SARM1: variants seen among roughly 807,000 people sequenced by gnomAD.
The protein encoded by SARM1 is sterile alpha and TIR motif containing 1, also known as NAD(+) hydrolase SARM1.
Under a neutral mutation model 65.1 loss-of-function variants are expected in SARM1, and 60 were observed. That is an observed-to-expected ratio of 0.92 (90% confidence interval 0.75 to 1.14). The LOEUF (loss-of-function observed/expected upper bound fraction) is 1.14, where lower values mean the gene tolerates loss of function less well. Ranked by LOEUF, SARM1 falls within the 50% of genes most tolerant of loss-of-function variation. The pLI is 0.00. For missense variants in SARM1, 913 were observed against 1,015.7 expected, an observed-to-expected ratio of 0.90 and a Z score of 1.37; for synonymous variants, 417 against 465.4, an observed-to-expected ratio of 0.90 and a Z score of 1.34.
intron 1 of SARM1, among the ~76,000 whole-genome samples, chr17:28,377,161 G>T (rs150142234): frequency 1.3e-5 from 2 of 152,248 alleles, no homozygotes; most frequent in African/African-American, 4.8e-5. Context: ...GTCTAGAAAC[G>T]CAAAATGAAG....
At position 28,385,258 on chromosome 17, in the gene SARM1, T is replaced by C. The variant is rs1458964014; in HGVS notation, c.1613T>C (p.Ile538Thr). 7.7e-6 allele frequency: 12 copies of C among 1,562,920 alleles called. No homozygotes were observed. The highest frequency in any genetic ancestry group is 1.4e-5 in the African/African-American group (1 of 73,832). ...GIHLGVHRAR[I>T]LTAAREMLHS... ...CACCTGGGCGTGCACCGCGCCCGCA[T>C]CCTCACGGCGGCCAGAGGTCAGCCC... The change falls in exon 5 of 9, where the codon ATC becomes ACC. Residue 538 changes from isoleucine (I) to threonine (T), a missense_variant. By Grantham distance (89) the Ile-to-Thr change is moderately conservative (BLOSUM62 -1). Coordinates refer to ENST00000585482, the MANE Select transcript of SARM1 (RefSeq NM_015077.4). The surrounding 1 kb of genome is among the most constrained non-coding windows in gnomAD (Gnocchi z 4.5).
rs782715579 is a variant in SARM1 at position 28,381,255 on chromosome 17, C to A, written c.523C>A (p.Arg175Ser). The A allele has an allele frequency of 1.2e-6, 2 of 1,610,540 alleles. No individual in the cohort carries two copies. The highest frequency in any genetic ancestry group is 1.7e-6 in the Non-Finnish European group (2 of 1,178,590). The change falls in exon 2 of 9, where the codon CGC becomes AGC. Residue 175 changes from arginine to serine, a missense_variant. By Grantham distance (110) the Arg-to-Ser change is moderately radical (BLOSUM62 -1). Coordinates refer to ENST00000585482, the MANE Select transcript of SARM1 (RefSeq NM_015077.4). ...LGVILNLAKE[R>S]EPVELARSVA... Reference sequence around the variant, plus strand: ...CGTGATCCTGAACCTGGCGAAGGAACGCGAACCCGTAGAGCTGGCGCGGAG... The same window carrying A: ...CGTGATCCTGAACCTGGCGAAGGAAAGCGAACCCGTAGAGCTGGCGCGGAG...
chr17:28,384,074 G>A lies in SARM1; in HGVS notation c.1090-283G>A, dbSNP rs1311020381. On this transcript the variant is annotated intron_variant, in intron 2 of 8. Coordinates refer to ENST00000585482, the MANE Select transcript of SARM1 (RefSeq NM_015077.4). This position sits in a 1 kb window ranked among gnomAD's most constrained non-coding sequence, Gnocchi z 4.4. ...ACTGTGCCCTGCCTGGCGCTATGCT[G>A]AGAGCTCAACTTTATTCCAGGGCCG... Among the ~76,000 whole-genome samples the A allele has an allele frequency of 6.6e-6, 1 of 152,200 alleles. No homozygotes were observed. The highest frequency in any genetic ancestry group is 1.5e-5 in the Non-Finnish European group (1 of 68,030).
chr17:28,402,684 A>T lies in SARM1; in HGVS notation c.*6398A>T, dbSNP rs567849178. ...CCTGAGTTCAAAACCTGATGCCATT[A>T]CATATTATCTGTGTGGCCTGGGGTA... On this transcript the variant is annotated 3_prime_UTR_variant, in exon 9 of 9. Transcript: ENST00000585482. 2 of 194,534 alleles carry T rather than the reference A, an allele frequency of 1.0e-5. No homozygotes were observed. The highest frequency in any genetic ancestry group is 2.2e-4 in the South Asian group (2 of 9,270). 12.1% of individuals were successfully genotyped at this position (194,534 alleles called of 1,614,324 possible). A position where few individuals can be genotyped will look rare whatever the true frequency, so the allele number is the denominator to read the frequency against.
chr17:28,388,401 G>A lies in SARM1; in HGVS notation c.1785G>A (p.Val595=). 6.2e-7 allele frequency: 1 copy of A among 1,613,996 alleles called. No individual in the cohort carries two copies. ...ATGGCTTCAGTGTCTTCATTGATGTGGAGAAGCTGGAAGCAGGCAAGTTCG... is the reference window on the plus strand; with the variant it reads ...ATGGCTTCAGTGTCTTCATTGATGTAGAGAAGCTGGAAGCAGGCAAGTTCG... ...QLHGFSVFID[V]EKLEAGKFED... is the part of the protein sequence containing the mutation. Residue 595 remains valine (V), a synonymous_variant, in exon 7 of 9, where the codon GTG becomes GTA. Coordinates refer to ENST00000585482, the MANE Select transcript of SARM1 (RefSeq NM_015077.4).
chr17:28,386,183 T>C (rs1285648086), intron 5 of SARM1, among the ~76,000 whole-genome samples: 1 of 152,166 alleles, frequency 6.6e-6, no homozygotes, highest in Non-Finnish European at 1.5e-5. Context: ...CGCATACCTG[T>C]AGTCCCAGCT....
At chr17:28,392,335 C>T (rs2068084995) in intron 7 of SARM1, among the ~76,000 whole-genome samples, 1 of 152,040 alleles carries the variant, frequency 6.6e-6, no homozygotes, top group South Asian at 2.1e-4. Context: ...CCAAGATGGT[C>T]TCGATCTCCT....
intron 1 of SARM1, among the ~76,000 whole-genome samples, chr17:28,379,212 C>G (rs1284342456): frequency 1.4e-5 from 2 of 139,758 alleles, no homozygotes; most frequent in Admixed American, 7.4e-5. Flanking sequence ...TGGTCAGGGA[C>G]AAAGGAGAGT....
rs2068174440 is a variant in SARM1 at position 28,399,801 on chromosome 17, G to A, written c.*3515G>A. 2.1e-6 allele frequency: 3 copies of A among 1,403,830 alleles called. No homozygotes were observed. The highest frequency in any genetic ancestry group is 3.0e-6 in the Non-Finnish European group (3 of 993,246). 87.0% of individuals were successfully genotyped at this position (1,403,830 alleles called of 1,614,324 possible). On this transcript the variant is annotated 3_prime_UTR_variant, in exon 9 of 9. Transcript: ENST00000585482. ...AAGTGACACAGGATTTACTGGGGTG[G>A]GCTGGTCCAGGTAGCTCTCCTGAAC...
chr17:28,386,901 G>A (rs1555586078), intron 5 of SARM1, among the ~76,000 whole-genome samples: 3 of 152,122 alleles, frequency 2.0e-5, no homozygotes, highest in Non-Finnish European at 1.5e-5. Context: ...ACCACACCCA[G>A]CTAATTTTTT....
chr17:28,389,711 C>T (rs1437192057), intron 7 of SARM1, among the ~76,000 whole-genome samples: 1 of 152,122 alleles, frequency 6.6e-6, no homozygotes, highest in African/African-American at 2.4e-5. Context: ...CATGGTGAAA[C>T]CTTGTCTCTA....
Position 28,372,212 on chromosome 17 carries a change from G to A in SARM1, c.180G>A (p.Glu60=), listed in dbSNP as rs1346398040. ...AAGTGTCGCCGGGGGCAGGCACCGA[G>A]GTGCAGGACGCCCTGGAGCGCGCGC... The part of the protein sequence containing the change: ...PREVSPGAGT[E]VQDALERALP... Residue 60 remains glutamate, a synonymous_variant, in exon 1 of 9, where the codon GAG becomes GAA. Coordinates refer to ENST00000585482, the MANE Select transcript of SARM1 (RefSeq NM_015077.4). This position sits in a 1 kb window ranked among gnomAD's most constrained non-coding sequence, Gnocchi z 5.2. 1.2e-5 allele frequency: 17 copies of A among 1,376,936 alleles called. No homozygotes were observed. Among genetic ancestry groups the A allele is most frequent in the African/African-American group, 3.1e-5 (2 of 65,518 alleles). 85.3% of individuals were successfully genotyped at this position (1,376,936 alleles called of 1,614,324 possible).
intron 1 of SARM1, among the ~76,000 whole-genome samples, chr17:28,376,423 AAG>A (rs2067990103): frequency 6.6e-6 from 1 of 150,910 alleles, no homozygotes; most frequent in African/African-American, 2.4e-5. Context: ...AAAAAAAAAA[AAG>A]AGCCAGGTGT....
At chr17:28,387,694 T>C (rs1246494613) in intron 5 of SARM1, among the ~76,000 whole-genome samples, 2 of 152,260 alleles carry the variant, frequency 1.3e-5, no homozygotes, top group Non-Finnish European at 2.9e-5. Flanking sequence ...AGCAGAGTGC[T>C]GTCTGTTTTA....
At chr17:28,375,594 TAAA>T (rs201007293) in intron 1 of SARM1, among the ~76,000 whole-genome samples, 10 of 94,770 alleles carry the variant, frequency 1.1e-4, no homozygotes, top group Admixed American at 1.1e-4. Flanking sequence ...AGACTCCATC[TAAA>T]AAAAAAAAAA....
Position 28,402,539 on chromosome 17 carries a change from T to G in SARM1, c.*6253T>G. On this transcript the variant is annotated 3_prime_UTR_variant, in exon 9 of 9. Coordinates refer to ENST00000585482, the MANE Select transcript of SARM1 (RefSeq NM_015077.4). ...GCTAGCTCTCATGAATGAATGCTAA[T>G]TCCCATTGATTGCTTTCTTGTCTGA... 1 of 459,290 alleles carries G rather than the reference T, an allele frequency of 2.2e-6. No individual in the cohort carries two copies. 28.5% of individuals were successfully genotyped at this position (459,290 alleles called of 1,614,324 possible). A position where few individuals can be genotyped will look rare whatever the true frequency, so the allele number is the denominator to read the frequency against.
Position 28,372,601 on chromosome 17 carries a change from C to T in SARM1, c.470+99C>T. 4 of 859,090 alleles carry T rather than the reference C, an allele frequency of 4.7e-6. No individual in the cohort carries two copies. The highest frequency in any genetic ancestry group is 2.9e-5 in the Admixed American group (1 of 34,318). The allele number at this position is 859,090 out of a possible 1,614,324, so 53.2% of individuals were successfully genotyped here. ...TTGCGCCGTGCCTTTGCCTCCCTCA[C>T]CTCTCTGACTGCCTGCACTACATCT... On this transcript the variant is annotated intron_variant, in intron 1 of 8. Transcript: ENST00000585482. This position sits in a 1 kb window ranked among gnomAD's most constrained non-coding sequence, Gnocchi z 5.2.
chr17:28,393,375 C>G (rs2068090387), intron 7 of SARM1, among the ~76,000 whole-genome samples: 1 of 151,912 alleles, frequency 6.6e-6, no homozygotes, highest in Admixed American at 6.6e-5. Flanking sequence ...ATGGTGAAAC[C>G]CCATCTCTAC....
chr17:28,378,396 CCTT>C (rs1165428862), intron 1 of SARM1, among the ~76,000 whole-genome samples: 3 of 152,190 alleles, frequency 2.0e-5, no homozygotes, highest in Non-Finnish European at 4.4e-5. Flanking sequence ...TGCAATCTCT[CCTT>C]CTCCTCCTGA....
Sources: allele counts gnomAD v4.1 joint callset (sites outside exome capture counted in the v4.1 genomes callset), GRCh38; gene constraint gnomAD v4.1.1; non-coding constraint Gnocchi (gnomAD v3.1); transcripts MANE v1.5; gene names NCBI Gene and HGNC (gene_info 2026-07-23, HGNC 2026-07-21).